Variants in PDZRN3 observed in about 807,000 individuals in gnomAD.
The protein encoded by PDZRN3 is E3 ubiquitin-protein ligase PDZRN3.
Under a neutral mutation model 85.7 loss-of-function variants are expected in PDZRN3, and 38 were observed. The ratio of observed to expected loss-of-function variants is 0.44; its 90% confidence interval spans 0.34 to 0.58. PDZRN3 has a LOEUF of 0.58. PDZRN3 is among the 20% of genes least tolerant of loss of function. PDZRN3 has a pLI of 0.01. For missense variants in PDZRN3, 1,629 were observed against 1,506.4 expected, an observed-to-expected ratio of 1.08 and a Z score of -1.35; for synonymous variants, 759 against 638.0, an observed-to-expected ratio of 1.19 and a Z score of -2.86.
chr3:73,383,153 T>TTAA lies in PDZRN3; in HGVS notation c.*209_*211dup, dbSNP rs1322269679. 11 of 488,392 alleles carry TTAA rather than the reference T, an allele frequency of 2.3e-5. No homozygotes were observed. The East Asian group carries it at 3.5e-4, about 15-fold the overall frequency. The allele number at this position is 488,392 out of a possible 1,614,324, so 30.3% of individuals were successfully genotyped here. A position where few individuals can be genotyped will look rare whatever the true frequency, so the allele number is the denominator to read the frequency against. On this transcript the variant is annotated 3_prime_UTR_variant, in exon 10 of 10. Transcript: ENST00000263666. ...TGCTATTTGAAAAAAGCTCTGTTTG[T>TTAA]TAATATTGCCTTCCAAGATAGTAAG...
At chr3:73,565,178 G>A (rs1045732523) in intron 3 of PDZRN3, among the ~76,000 whole-genome samples, 8 of 149,812 alleles carry the variant, frequency 5.3e-5, no homozygotes, top group African/African-American at 2.0e-4. Context: ...GCCCAGGCTG[G>A]AGCGCAGTGG....
intron 3 of PDZRN3, among the ~76,000 whole-genome samples, chr3:73,565,689 G>A (rs927775374): frequency 7.9e-5 from 12 of 151,962 alleles, no homozygotes; most frequent in African/African-American, 2.9e-4. Context: ...TGTAATCCCA[G>A]CACTTTGGGA....
chr3:73,383,591 C>T lies in PDZRN3; in HGVS notation c.2975G>A (p.Arg992His). 1 of 1,614,096 alleles carries T rather than the reference C, an allele frequency of 6.2e-7. No individual in the cohort carries two copies. Among genetic ancestry groups the T allele is most frequent in the Non-Finnish European group, 8.5e-7 (1 of 1,180,036 alleles). Residue 992 changes from arginine (R) to histidine (H), a missense_variant, in exon 10 of 10, where the codon CGC becomes CAC. Physicochemically the swap from Arg to His is conservative, Grantham distance 29 (BLOSUM62 0). Coordinates refer to ENST00000263666, the MANE Select transcript of PDZRN3 (RefSeq NM_015009.3). ...LVKAKEQRRRREFMMQSRLDC... is the reference protein window; with the variant it reads ...LVKAKEQRRRHEFMMQSRLDC... ...CAACCTGCTCTGCATCATGAACTCG[C>T]GCCGCCGCCGCTGCTCCTTGGCCTT...
chr3:73,453,632 C>G (rs988383168), intron 3 of PDZRN3, among the ~76,000 whole-genome samples: 3 of 151,442 alleles, frequency 2.0e-5, no homozygotes, highest in Non-Finnish European at 4.4e-5. Context: ...TATATATAAT[C>G]AAGAATGATT....
At chr3:73,606,429 C>T (rs981280747) in intron 2 of PDZRN3, among the ~76,000 whole-genome samples, 4 of 152,202 alleles carry the variant, frequency 2.6e-5, no homozygotes, top group African/African-American at 9.7e-5. Flanking sequence ...TATTTGAGTG[C>T]AGTTTGCTCC....
intron 3 of PDZRN3, among the ~76,000 whole-genome samples, chr3:73,405,139 G>C (rs1385886523): frequency 6.6e-6 from 1 of 152,206 alleles, no homozygotes; most frequent in African/African-American, 2.4e-5. Flanking sequence ...CTGAAAGTAA[G>C]ATCATCTCCC....
In PDZRN3 at chr3:73,401,129, T is replaced by A. The variant is rs914394331; in HGVS notation, c.1167-120A>T. 6 of 719,804 alleles carry A rather than the reference T, an allele frequency of 8.3e-6. No individual in the cohort carries two copies. In the Admixed American group the frequency reaches 9.9e-5, roughly 12 times the overall value. The allele number at this position is 719,804 out of a possible 1,614,324, so 44.6% of individuals were successfully genotyped here. A position where few individuals can be genotyped will look rare whatever the true frequency, so the allele number is the denominator to read the frequency against. On this transcript the variant is annotated intron_variant, in intron 4 of 9. Transcript: ENST00000263666. ...CCCAGGGTGTGGGCCCTTTCATGAC[T>A]CACTTCCCTCTGGATGGGGCTCTCA...
chr3:73,584,457 GTGTGTGTGTGTGTGT>G (rs1702249064), intron 3 of PDZRN3, among the ~76,000 whole-genome samples: 4 of 52,792 alleles, frequency 7.6e-5, no homozygotes, highest in Non-Finnish European at 1.1e-4. Context: ...TTAATGGTGT[GTGTGTGTGTGTGTGT>G]GTGTGTGTGT....
intron 3 of PDZRN3, chr3:73,407,965 T>C (rs1701887534): frequency 2.2e-5 from 13 of 593,070 alleles, no homozygotes; most frequent in South Asian, 2.1e-4. Flanking sequence ...AACTGGGACT[T>C]TGGGGTGACT....
At chr3:73,461,835 T>G (rs1157874138) in intron 3 of PDZRN3, among the ~76,000 whole-genome samples, 1 of 152,212 alleles carries the variant, frequency 6.6e-6, no homozygotes, top group Non-Finnish European at 1.5e-5. Flanking sequence ...GAAAGGGTCA[T>G]GATTCACTAC....
At chr3:73,492,620 G>A (rs553068871) in intron 3 of PDZRN3, among the ~76,000 whole-genome samples, 27 of 152,302 alleles carry the variant, frequency 1.8e-4, no homozygotes, top group Non-Finnish European at 2.9e-5. Context: ...ATTCAGCAGA[G>A]AAGCACCCAA....
At chr3:73,550,920 A>C (rs1463777550) in intron 3 of PDZRN3, among the ~76,000 whole-genome samples, 1 of 152,236 alleles carries the variant, frequency 6.6e-6, no homozygotes, top group Non-Finnish European at 1.5e-5. Context: ...ATGTTGCAAA[A>C]TGTTCTTTTT....
chr3:73,445,532 G>T (rs898857327), intron 3 of PDZRN3, among the ~76,000 whole-genome samples: 2 of 152,202 alleles, frequency 1.3e-5, no homozygotes, highest in Non-Finnish European at 2.9e-5. Context: ...TATCAAGTCT[G>T]AAATTACTTA....
At position 73,449,793 on chromosome 3, in the gene PDZRN3, T is replaced by C. The variant is rs568818797; in HGVS notation, c.919-45398A>G. ...ATGGCACAGGCTGCAAAAGAATATA[T>C]TGCCTCCCTTAAATTGACTTCTCGA... is the stretch of plus-strand genomic sequence containing the variant. On this transcript the variant is annotated intron_variant, in intron 3 of 9. Coordinates refer to ENST00000263666, the MANE Select transcript of PDZRN3 (RefSeq NM_015009.3). 4.6e-5 allele frequency among the ~76,000 whole-genome samples: 7 copies of C among 152,322 alleles called. No homozygotes were observed. The South Asian group carries it at 8.3e-4, about 18-fold the overall frequency.
chr3:73,454,327 C>G (rs1702935446), intron 3 of PDZRN3, among the ~76,000 whole-genome samples: 1 of 152,126 alleles, frequency 6.6e-6, no homozygotes, highest in Admixed American at 6.5e-5. Flanking sequence ...AGGGGCCTAG[C>G]ACTTGGAGCC....
chr3:73,533,783 A>T (rs2106761998), intron 3 of PDZRN3, among the ~76,000 whole-genome samples: 1 of 152,112 alleles, frequency 6.6e-6, no homozygotes, highest in South Asian at 2.1e-4. Context: ...TGGGTGTTCC[A>T]CTCTGCATTT....
chr3:73,414,507 C>A (rs781088608), intron 3 of PDZRN3, among the ~76,000 whole-genome samples: 4 of 152,238 alleles, frequency 2.6e-5, no homozygotes, highest in Non-Finnish European at 2.9e-5. Context: ...TTAATTTTGG[C>A]TCCTGCATAG....
intron 5 of PDZRN3, among the ~76,000 whole-genome samples, chr3:73,398,258 GT>G (rs1369251595): frequency 6.6e-6 from 1 of 152,182 alleles, no homozygotes; most frequent in African/African-American, 2.4e-5. Flanking sequence ...TGCAGGGACA[GT>G]GTGGACAATA....
chr3:73,563,013 A>ATATATATATATATATATATTT (rs1187151191), intron 3 of PDZRN3, among the ~76,000 whole-genome samples: 2 of 43,762 alleles, frequency 4.6e-5, no homozygotes, highest in Admixed American at 4.2e-4. Context: ...ATATATATAT[A>ATATATATATATATATATATTT]TTTTTTTTTT....
Sources: allele counts gnomAD v4.1 joint callset (sites outside exome capture counted in the v4.1 genomes callset), GRCh38; gene constraint gnomAD v4.1.1; transcripts MANE v1.5; gene names NCBI Gene and HGNC (gene_info 2026-07-23, HGNC 2026-07-21).